BLM: variants seen among roughly 807,000 people sequenced by gnomAD.
BLM encodes the protein BLM RecQ like helicase.
In BLM, 95 loss-of-function variants were observed where a neutral mutation model predicts 135.3. The observed-to-expected ratio is 0.70, with a 90% CI of 0.59 to 0.83. The LOEUF is 0.83. BLM is among the 40% of genes least tolerant of loss of function. The probability of loss-of-function intolerance (pLI) is 0.00; values close to 1 mark genes in which losing one functional copy is unlikely to be tolerated. For missense variants in BLM, 1,518 were observed against 1,663.9 expected, an observed-to-expected ratio of 0.91 and a Z score of 1.53; for synonymous variants, 520 against 589.2, an observed-to-expected ratio of 0.88 and a Z score of 1.70.
At chr15:90,797,987 A>G (rs1897070772) in intron 16 of BLM, among the ~76,000 whole-genome samples, 1 of 152,176 alleles carries the variant, frequency 6.6e-6, no homozygotes, top group Non-Finnish European at 1.5e-5. Flanking sequence ...GACAAGACGT[A>G]TCTCTGTGAA....
intron 7 of BLM, 92 bp downstream of exon 7, chr15:90,761,347 C>T (rs983242790): frequency 2.4e-4 from 237 of 1,005,112 alleles, no homozygotes; most frequent in Middle Eastern, 2.2e-3. Flanking sequence ...TCATCATTGC[C>T]TGAAAACATT....
At chr15:90,783,751 C>T (rs1196358899) in intron 13 of BLM, among the ~76,000 whole-genome samples, 1 of 152,072 alleles carries the variant, frequency 6.6e-6, no homozygotes, top group East Asian at 1.9e-4. Context: ...ATTATCCAGA[C>T]GTGGTGGCAC....
At chr15:90,751,201 T>C (rs1895673341) in intron 3 of BLM, among the ~76,000 whole-genome samples, 1 of 152,218 alleles carries the variant, frequency 6.6e-6, no homozygotes, top group Non-Finnish European at 1.5e-5. Flanking sequence ...GTAAAATTTT[T>C]AAACCCCTGA....
At position 90,778,897 on chromosome 15, in the gene BLM, T is replaced by C. The variant is rs184654938; in HGVS notation, c.2556-3925T>C. ...TCTATGTTTAACCCTTTCTTTTTTT[T>C]TTTTTTGAGACGGAGTCTCACTCTG... is the stretch of plus-strand genomic sequence containing the variant. On this transcript the variant is annotated intron_variant, in intron 12 of 21. Coordinates refer to ENST00000355112, the MANE Select transcript of BLM (RefSeq NM_000057.4). Among the ~76,000 whole-genome samples, 231 of 150,562 alleles carry C rather than the reference T, an allele frequency of 1.5e-3. 2 individuals carry two copies. Among genetic ancestry groups the C allele is most frequent in the Middle Eastern group, 0.014 (4 of 290 alleles).
intron 12 of BLM, among the ~76,000 whole-genome samples, chr15:90,781,328 T>A (rs1438844435): frequency 6.6e-6 from 1 of 152,068 alleles, no homozygotes; most frequent in East Asian, 1.9e-4. Context: ...GGACCACACA[T>A]AAAATACACT....
chr15:90,723,669 TA>T (rs1894829615), intron 1 of BLM, among the ~76,000 whole-genome samples: 1 of 152,130 alleles, frequency 6.6e-6, no homozygotes, highest in African/African-American at 2.4e-5. Flanking sequence ...AAAATTTTTT[TA>T]AATTGTTTTT....
chr15:90,774,561 C>T (rs1896420231), intron 12 of BLM, among the ~76,000 whole-genome samples: 1 of 150,814 alleles, frequency 6.6e-6, no homozygotes, highest in Non-Finnish European at 1.5e-5. Flanking sequence ...AGGCCAGGCT[C>T]GGTGGCTCAT....
At chr15:90,790,223 G>C (rs1037912285) in intron 14 of BLM, 2 of 247,452 alleles carry the variant, frequency 8.1e-6, no homozygotes, top group African/African-American at 4.6e-5. Flanking sequence ...TGACCTCTGA[G>C]GAGCCCTGGG....
intron 5 of BLM, among the ~76,000 whole-genome samples, chr15:90,757,891 T>C (rs1346158127): frequency 6.8e-6 from 1 of 147,708 alleles, no homozygotes; most frequent in African/African-American, 2.6e-5. Flanking sequence ...TTTCCTTTTT[T>C]TCATCTTTTT....
chr15:90,760,537 T>C (rs1352526478), intron 6 of BLM, 57 bp from the exon 7 acceptor site: 2 of 1,509,616 alleles, frequency 1.3e-6, no homozygotes, highest in African/African-American at 2.8e-5. Context: ...TTTGCTTTTG[T>C]GGCCTACCAG....
At chr15:90,767,087 A>AT in intron 10 of BLM, 64 bp downstream of exon 10, 2 of 1,113,768 alleles carry the variant, frequency 1.8e-6, no homozygotes, top group Non-Finnish European at 2.5e-6. Context: ...TATTTTTAAG[A>AT]TTTTAACAAA....
intron 14 of BLM, among the ~76,000 whole-genome samples, chr15:90,789,057 AT>A (rs1896833363): frequency 2.0e-5 from 3 of 151,438 alleles, no homozygotes; most frequent in African/African-American, 7.3e-5. Context: ...ATATATATAT[AT>A]ATATAACTTT....
chr15:90,797,049 T>C (rs1027916319), intron 16 of BLM, among the ~76,000 whole-genome samples: 3 of 152,010 alleles, frequency 2.0e-5, no homozygotes, highest in Admixed American at 6.6e-5. Context: ...GACAGGATCA[T>C]TGGAGCAGAG....
At position 90,811,326 on chromosome 15, in the gene BLM, TGAAAG is replaced by T. The variant is rs1057516261; in HGVS notation, c.4000_4004del (p.Arg1334GlufsTer11). ...ACTACTTTGCAAGTAAAACCAGAAA[TGAAAG>T]GAAGAGGAAAAAGATGCCAGCCTCC... On this transcript the variant is annotated frameshift_variant, in exon 21 of 22. Transcript: ENST00000355112. LOFTEE classifies it high-confidence loss of function. The T allele has an allele frequency of 3.1e-6, 5 of 1,613,650 alleles. No individual in the cohort carries two copies. The highest frequency in any genetic ancestry group is 1.1e-5 in the South Asian group (1 of 91,070).
intron 14 of BLM, among the ~76,000 whole-genome samples, chr15:90,785,867 T>C (rs1367518710): frequency 6.6e-6 from 1 of 152,148 alleles, no homozygotes; most frequent in East Asian, 1.9e-4. Flanking sequence ...TTTTCAAGAT[T>C]TATCCATATT....
At chr15:90,772,097 C>T (rs778644581) in intron 12 of BLM, among the ~76,000 whole-genome samples, 11 of 152,170 alleles carry the variant, frequency 7.2e-5, no homozygotes, top group Admixed American at 1.3e-4. Context: ...CACTTCTCTG[C>T]ATTTGGAAGT....
At chr15:90,747,525 A>C (rs1895537336) in intron 2 of BLM, 35 bp downstream of exon 2, 1 of 1,319,650 alleles carries the variant, frequency 7.6e-7, no homozygotes, top group Non-Finnish European at 1.1e-6. Context: ...TCACATAGGC[A>C]CTAACTTACC....
At position 90,769,602 on chromosome 15, in the gene BLM, T is replaced by A. The variant is rs777946348; in HGVS notation, c.2555+16T>A. 6 of 1,612,552 alleles carry A rather than the reference T, an allele frequency of 3.7e-6. No individual in the cohort carries two copies. The highest frequency in any genetic ancestry group is 5.1e-6 in the Non-Finnish European group (6 of 1,179,196). On this transcript the variant is annotated intron_variant, in intron 12 of 21. Coordinates refer to ENST00000355112, the MANE Select transcript of BLM (RefSeq NM_000057.4). Reference sequence around the variant, plus strand: ...GACCTCAGGTGTAAGTTGTTGCACGTCACGTATTTGAGAACCCTGGGGCAG... The same window carrying A: ...GACCTCAGGTGTAAGTTGTTGCACGACACGTATTTGAGAACCCTGGGGCAG...
chr15:90,775,789 T>G (rs1470119417), intron 12 of BLM, among the ~76,000 whole-genome samples: 1 of 152,092 alleles, frequency 6.6e-6, no homozygotes, highest in African/African-American at 2.4e-5. Flanking sequence ...TGGGATTACT[T>G]GAGCCACCAC....
Sources: allele counts gnomAD v4.1 joint callset (sites outside exome capture counted in the v4.1 genomes callset), GRCh38; gene constraint gnomAD v4.1.1; transcripts MANE v1.5; gene names NCBI Gene and HGNC (gene_info 2026-07-23, HGNC 2026-07-21).